The following LARGE1 variants were observed in gnomAD, a reference collection of about 807,000 sequenced individuals.
LARGE1 encodes xylosyl- and glucuronyltransferase LARGE1.
A neutral mutation model predicts 87.6 loss-of-function variants in LARGE1; 43 were observed. That is an observed-to-expected ratio of 0.49 (90% CI 0.38 to 0.63). The LOEUF (loss-of-function observed/expected upper bound fraction) is 0.63, where lower values mean the gene tolerates loss of function less well. Among genes scored for constraint, LARGE1 ranks in the 30% least tolerant of loss-of-function variants. LARGE1 has a pLI of 0.00. For synonymous variants in LARGE1, 434 were observed against 394.6 expected, an observed-to-expected ratio of 1.10 and a Z score of -1.18; for missense variants, 802 against 1,000.2, an observed-to-expected ratio of 0.80 and a Z score of 2.67.
chr22:33,388,069 G>A (rs763661214), intron 7 of LARGE1, among the ~76,000 whole-genome samples: 4 of 152,152 alleles, frequency 2.6e-5, no homozygotes, highest in African/African-American at 9.6e-5. Flanking sequence ...TTTGGATTGC[G>A]TATTTCCTAT....
chr22:33,528,589 C>A (rs1007457155), intron 6 of LARGE1, among the ~76,000 whole-genome samples: 1 of 152,234 alleles, frequency 6.6e-6, no homozygotes, highest in South Asian at 2.1e-4. Flanking sequence ...CATAGACTGG[C>A]CAGAACCACT....
intron 9 of LARGE1, among the ~76,000 whole-genome samples, chr22:33,376,599 T>A (rs781175663): frequency 1.2e-4 from 18 of 152,238 alleles, no homozygotes; most frequent in East Asian, 9.6e-4. Context: ...CATAATGATA[T>A]AACAAAGCCT....
At chr22:33,098,201 T>C in the LARGE1 span, among the ~76,000 whole-genome samples, 7 of 152,044 alleles carry the variant, frequency 4.6e-5, no homozygotes, top group African/African-American at 1.7e-4. Flanking sequence ...CCAGCTACTT[T>C]GGTGGCTGAG....
At chr22:33,756,457 C>T (rs2084516462) in intron 2 of LARGE1, among the ~76,000 whole-genome samples, 2 of 152,076 alleles carry the variant, frequency 1.3e-5, no homozygotes, top group African/African-American at 2.4e-5. Context: ...GCCAAGGAAG[C>T]CTGCTAGTTA....
intron 1 of LARGE1, among the ~76,000 whole-genome samples, chr22:33,804,060 T>A (rs2086240530): frequency 6.6e-6 from 1 of 152,142 alleles, no homozygotes; most frequent in Non-Finnish European, 1.5e-5. Flanking sequence ...AGAAGAGAAT[T>A]AACACAGCAA....
chr22:33,326,283 A>G (rs28555629), intron 10 of LARGE1, among the ~76,000 whole-genome samples: 1 of 152,198 alleles, frequency 6.6e-6, no homozygotes, highest in African/African-American at 2.4e-5. Context: ...CACGCATCAC[A>G]TACAATTCAT....
chr22:33,694,559 AAT>A (rs973854435), intron 2 of LARGE1, among the ~76,000 whole-genome samples: 23 of 152,166 alleles, frequency 1.5e-4, no homozygotes, highest in African/African-American at 5.5e-4. Flanking sequence ...TTTTCATCAC[AAT>A]ATGTTAGTAA....
intron 6 of LARGE1, among the ~76,000 whole-genome samples, chr22:33,497,071 C>CTTTTT (rs5845088): frequency 4.8e-4 from 64 of 133,898 alleles, no homozygotes; most frequent in East Asian, 8.4e-4. Flanking sequence ...CTTTTCTTTT[C>CTTTTT]TTTTTTTTTT....
chr22:33,563,920 A>C (rs2077941605), intron 6 of LARGE1, among the ~76,000 whole-genome samples: 1 of 152,182 alleles, frequency 6.6e-6, no homozygotes, highest in Non-Finnish European at 1.5e-5. Context: ...CAAGCAAGGA[A>C]ATTTACTCTC....
At chr22:33,721,144 C>T (rs989012747) in intron 2 of LARGE1, among the ~76,000 whole-genome samples, 2 of 152,178 alleles carry the variant, frequency 1.3e-5, no homozygotes, top group Admixed American at 1.3e-4. Flanking sequence ...GCAGCTGCTA[C>T]AATATTTAGT....
chr22:33,647,295 A>T lies in LARGE1; in HGVS notation c.408+3072T>A, dbSNP rs146334341. Among the ~76,000 whole-genome samples the T allele has an allele frequency of 1.3e-3, 199 of 152,318 alleles. 1 individual carries two copies. The highest frequency in any genetic ancestry group is 4.5e-3 in the African/African-American group (188 of 41,582). ...AACATGGCTTCCTTGAGTAAAATCT[A>T]TCTGTTCCAGGCTCTCTTGGACCTA... On this transcript the variant is annotated intron_variant, in intron 3 of 14. Transcript: ENST00000397394.
chr22:33,096,430 AAAAG>A, the LARGE1 span, among the ~76,000 whole-genome samples: 1 of 152,032 alleles, frequency 6.6e-6, no homozygotes, highest in Non-Finnish European at 1.5e-5. Flanking sequence ...AAAAAAAAAA[AAAAG>A]GATATAATAC....
chr22:33,635,073 G>A (rs1015149357), intron 3 of LARGE1, among the ~76,000 whole-genome samples: 2 of 151,040 alleles, frequency 1.3e-5, no homozygotes, highest in African/African-American at 2.4e-5. Flanking sequence ...AGCCGAGATC[G>A]CACCACTGCA....
At chr22:33,517,357 G>A (rs5998985) in intron 6 of LARGE1, among the ~76,000 whole-genome samples, 2,022 of 152,248 alleles carry the variant, frequency 0.013, 49 homozygotes, top group African/African-American at 0.047. Context: ...AAAAAGGGCT[G>A]AACTCGGTGG....
intron 1 of LARGE1, among the ~76,000 whole-genome samples, chr22:33,794,114 C>T (rs113390773): frequency 5.3e-5 from 8 of 152,282 alleles, no homozygotes; most frequent in African/African-American, 1.9e-4. Context: ...CCCAAACTCA[C>T]ATATCCAGAA....
intron 9 of LARGE1, among the ~76,000 whole-genome samples, chr22:33,342,096 C>T (rs781693571): frequency 6.6e-6 from 1 of 152,090 alleles, no homozygotes; most frequent in Non-Finnish European, 1.5e-5. Context: ...AAGACTCTCC[C>T]CTGAGAACAC....
chr22:33,479,880 G>C (rs1446659002), intron 6 of LARGE1, among the ~76,000 whole-genome samples: 2 of 151,976 alleles, frequency 1.3e-5, no homozygotes, highest in East Asian at 3.9e-4. Context: ...GAGTATCTGG[G>C]ATTACAGGTG....
intron 6 of LARGE1, among the ~76,000 whole-genome samples, chr22:33,548,746 A>G (rs2077439010): frequency 6.6e-6 from 1 of 152,232 alleles, no homozygotes; most frequent in Admixed American, 6.5e-5. Flanking sequence ...GTGAGAACAG[A>G]CTAATACAGG....
At chr22:33,893,325 A>G (rs1202784010) in intron 1 of LARGE1, among the ~76,000 whole-genome samples, 1 of 152,240 alleles carries the variant, frequency 6.6e-6, no homozygotes, top group Non-Finnish European at 1.5e-5. Flanking sequence ...CTGGAACTCA[A>G]CCAAGGAATA....
Sources: gnomAD v4.1 joint callset for allele counts (sites outside exome capture counted in the v4.1 genomes callset) on GRCh38, gnomAD v4.1.1 for gene constraint, MANE v1.5 for transcripts, NCBI Gene and HGNC (gene_info 2026-07-23, HGNC 2026-07-21) for gene names.